OXR1: variants seen among roughly 807,000 people sequenced by gnomAD.
OXR1 encodes oxidation resistance protein 1.
Under a neutral mutation model 104.6 loss-of-function variants are expected in OXR1, and 41 were observed. The observed-to-expected ratio is 0.39, with a 90% confidence interval of 0.31 to 0.51. The LOEUF is 0.51. Among genes scored for constraint, OXR1 ranks in the 20% least tolerant of loss-of-function variants. The pLI is 0.77. For synonymous variants in OXR1, 348 were observed against 348.4 expected (o/e 1.00, Z 0.01); for missense variants, 955 against 1,031.9 (o/e 0.93, Z 1.02).
intron 4 of OXR1, among the ~76,000 whole-genome samples, chr8:106,682,849 A>G (rs1039406392): frequency 4.6e-5 from 7 of 151,946 alleles, no homozygotes; most frequent in African/African-American, 1.7e-4. Context: ...TGTTGCTAGA[A>G]GTCACATATA....
intron 3 of OXR1, among the ~76,000 whole-genome samples, chr8:106,544,077 C>T (rs1054164880): frequency 6.6e-6 from 1 of 152,086 alleles, no homozygotes; most frequent in South Asian, 2.1e-4. Flanking sequence ...TCCTATAAGT[C>T]TTATGCAGAA....
chr8:106,390,181 T>C (rs1268737450), intron 2 of OXR1, among the ~76,000 whole-genome samples: 1 of 152,210 alleles, frequency 6.6e-6, no homozygotes, highest in East Asian at 1.9e-4. Flanking sequence ...TAATAAGTAA[T>C]ATACATTCAT....
intron 1 of OXR1, among the ~76,000 whole-genome samples, chr8:106,330,912 C>A (rs769509670): frequency 3.3e-5 from 5 of 152,200 alleles, no homozygotes; most frequent in Non-Finnish European, 7.3e-5. Flanking sequence ...AATATTCATT[C>A]TTCCCTGATT....
At chr8:106,458,654 C>A (rs1016620412) in intron 2 of OXR1, among the ~76,000 whole-genome samples, 5 of 152,160 alleles carry the variant, frequency 3.3e-5, no homozygotes, top group East Asian at 1.9e-4. Flanking sequence ...GAGACTCTAA[C>A]CTAGGAGAGC....
At chr8:106,312,069 C>T (rs900098892) in intron 1 of OXR1, among the ~76,000 whole-genome samples, 4 of 150,772 alleles carry the variant, frequency 2.7e-5, no homozygotes, top group Non-Finnish European at 4.4e-5. Context: ...CAGAGGCTAA[C>T]TTGTTTGACT....
chr8:106,339,742 C>T (rs1205756805), intron 1 of OXR1, among the ~76,000 whole-genome samples: 2 of 151,020 alleles, frequency 1.3e-5, no homozygotes, highest in Non-Finnish European at 3.0e-5. Flanking sequence ...AAAAATACTT[C>T]TTTCTATGCT....
intron 2 of OXR1, among the ~76,000 whole-genome samples, chr8:106,514,078 C>A (rs1812710481): frequency 6.6e-6 from 1 of 152,154 alleles, no homozygotes; most frequent in Non-Finnish European, 1.5e-5. Flanking sequence ...AAGGCTTCAG[C>A]ACCCATTTTC....
At chr8:106,377,294 C>T (rs1001975073) in intron 2 of OXR1, among the ~76,000 whole-genome samples, 8 of 151,888 alleles carry the variant, frequency 5.3e-5, no homozygotes, top group Admixed American at 1.3e-4. Context: ...GCGATCTTTC[C>T]GTCTCAGTCT....
chr8:106,364,143 A>G (rs1328154243), intron 2 of OXR1, among the ~76,000 whole-genome samples: 1 of 152,214 alleles, frequency 6.6e-6, no homozygotes, highest in Non-Finnish European at 1.5e-5. Flanking sequence ...TAAGTTATTA[A>G]TGTTTTGACT....
intron 3 of OXR1, among the ~76,000 whole-genome samples, chr8:106,599,206 A>C (rs1473994958): frequency 6.6e-6 from 1 of 152,202 alleles, no homozygotes; most frequent in Non-Finnish European, 1.5e-5. Context: ...TTACTGAAAG[A>C]TGAAAATGTC....
intron 3 of OXR1, among the ~76,000 whole-genome samples, chr8:106,636,955 C>T (rs193115262): frequency 2.6e-5 from 4 of 152,278 alleles, no homozygotes; most frequent in African/African-American, 2.4e-5. Context: ...GTCACCTAGT[C>T]TCTCTCTGTT....
chr8:106,335,106 T>TTC (rs146889844), intron 1 of OXR1, among the ~76,000 whole-genome samples: 3 of 150,736 alleles, frequency 2.0e-5, no homozygotes, highest in African/African-American at 4.9e-5. Flanking sequence ...AAACATGCCA[T>TTC]TCTCTCTCTC....
intron 2 of OXR1, among the ~76,000 whole-genome samples, chr8:106,470,277 G>T (rs1300138383): frequency 6.6e-6 from 1 of 151,804 alleles, no homozygotes; most frequent in Non-Finnish European, 1.5e-5. Context: ...TATGAAGTTT[G>T]TATATTAAAA....
chr8:106,468,625 A>G (rs1161605175), intron 2 of OXR1, among the ~76,000 whole-genome samples: 1 of 151,698 alleles, frequency 6.6e-6, no homozygotes, highest in Non-Finnish European at 1.5e-5. Flanking sequence ...ATCTTTGGGG[A>G]AGTCATGGTA....
intron 3 of OXR1, among the ~76,000 whole-genome samples, chr8:106,548,283 G>A (rs1288517564): frequency 6.6e-6 from 1 of 152,018 alleles, no homozygotes; most frequent in Admixed American, 6.6e-5. Context: ...AGATTCATGG[G>A]ATTTACTCTA....
chr8:106,407,467 C>T (rs1317334536), intron 2 of OXR1, among the ~76,000 whole-genome samples: 2 of 152,182 alleles, frequency 1.3e-5, no homozygotes, highest in Non-Finnish European at 2.9e-5. Context: ...AGCAGAAAGA[C>T]TACTCTAAGA....
At chr8:106,509,832 C>T (rs1431607151) in intron 2 of OXR1, among the ~76,000 whole-genome samples, 1 of 152,096 alleles carries the variant, frequency 6.6e-6, no homozygotes, top group African/African-American at 2.4e-5. Context: ...AGTGCAGTGG[C>T]GAGATCTCAG....
rs977074950 is a variant in OXR1, at chr8:106,484,761, G to GT, written c.24-34175dup. Among the ~76,000 whole-genome samples, 60 of 151,656 alleles carry GT rather than the reference G, an allele frequency of 4.0e-4. 1 individual carries two copies. Among genetic ancestry groups the GT allele is most frequent in the South Asian group, 6.3e-4 (3 of 4,790 alleles). On this transcript the variant is annotated intron_variant, in intron 2 of 16. Coordinates refer to ENST00000517566, the MANE Select transcript of OXR1 (RefSeq NM_001198533.2). ...CAGCCACTTTGGGGGACAGTTTGGT[G>GT]TTTTTTTAAAAACAAAAACAAAAAC...
At chr8:106,399,079 G>A (rs1018934328) in intron 2 of OXR1, among the ~76,000 whole-genome samples, 2 of 151,824 alleles carry the variant, frequency 1.3e-5, no homozygotes, top group Admixed American at 6.6e-5. Context: ...TGCCCAAAAG[G>A]CCACTTGAAA....
Sources: gnomAD v4.1 joint callset for allele counts (sites outside exome capture counted in the v4.1 genomes callset) on GRCh38, gnomAD v4.1.1 for gene constraint, MANE v1.5 for transcripts, NCBI Gene and HGNC (gene_info 2026-07-23, HGNC 2026-07-21) for gene names.